RABL3: variants seen among roughly 807,000 people sequenced by gnomAD.
The protein encoded by RABL3 is rab-like protein 3.
In RABL3, 31 loss-of-function variants were observed where a neutral mutation model predicts 31.8. The observed-to-expected ratio is 0.97, with a 90% CI of 0.73 to 1.31. RABL3 has a LOEUF of 1.31. RABL3 is among the 40% of genes most tolerant of loss of function. The probability of loss-of-function intolerance (pLI) is 0.00; values close to 1 mark genes in which losing one functional copy is unlikely to be tolerated. For missense variants in RABL3, 263 were observed against 279.6 expected, an observed-to-expected ratio of 0.94 and a Z score of 0.42; for synonymous variants, 97 against 99.9, an observed-to-expected ratio of 0.97 and a Z score of 0.18.
At chr3:120,719,649 G>A (rs1016325033) in intron 2 of RABL3, among the ~76,000 whole-genome samples, 3 of 152,236 alleles carry the variant, frequency 2.0e-5, no homozygotes, top group Non-Finnish European at 2.9e-5. Context: ...GCCAGGCTGG[G>A]GGAGGGGCAC....
chr3:120,707,438 C>T (rs868100524), intron 3 of RABL3, among the ~76,000 whole-genome samples: 1 of 152,164 alleles, frequency 6.6e-6, no homozygotes, highest in Non-Finnish European at 1.5e-5. Flanking sequence ...AAATATTGTG[C>T]TTTACATGTG....
chr3:120,694,132 T>C (rs751276318), intron 6 of RABL3, 21 bp downstream of exon 6: 2 of 1,498,842 alleles, frequency 1.3e-6, no homozygotes, highest in South Asian at 1.2e-5. Flanking sequence ...AGTTTAAAAA[T>C]AACTTAATTG....
intron 2 of RABL3, 106 bp from the exon 3 acceptor site, chr3:120,710,015 C>G: frequency 1.4e-6 from 1 of 737,248 alleles, no homozygotes; most frequent in Non-Finnish European, 2.2e-6. Context: ...ACTTTCTGAT[C>G]GCTACCTCTT....
At chr3:120,732,066 A>AC (rs1340774922) in intron 1 of RABL3, among the ~76,000 whole-genome samples, 2 of 152,186 alleles carry the variant, frequency 1.3e-5, no homozygotes, top group Non-Finnish European at 2.9e-5. Context: ...CTACAAAAAA[A>AC]AATCACCTTA....
At chr3:120,702,561 T>A (rs1174510505) in intron 4 of RABL3, among the ~76,000 whole-genome samples, 4 of 140,248 alleles carry the variant, frequency 2.9e-5, no homozygotes, top group Non-Finnish European at 6.2e-5. Flanking sequence ...GAAATTTTTC[T>A]TTTTTTTTTT....
chr3:120,701,966 G>C (rs997000907), intron 4 of RABL3, among the ~76,000 whole-genome samples: 2 of 152,170 alleles, frequency 1.3e-5, no homozygotes, highest in Non-Finnish European at 2.9e-5. Context: ...AAGAACCATT[G>C]AATTAGCAGT....
intron 3 of RABL3, among the ~76,000 whole-genome samples, chr3:120,708,416 T>C (rs528883006): frequency 6.6e-5 from 10 of 152,106 alleles, no homozygotes; most frequent in African/African-American, 2.2e-4. Flanking sequence ...CCATAGCTTC[T>C]AGGATTTGAG....
chr3:120,711,293 G>A (rs1708610216), intron 2 of RABL3, among the ~76,000 whole-genome samples: 1 of 152,080 alleles, frequency 6.6e-6, no homozygotes, highest in Non-Finnish European at 1.5e-5. Context: ...ACTTAAGACT[G>A]ATCCTTGACT....
chr3:120,732,642 C>A (rs1439641271), intron 1 of RABL3, among the ~76,000 whole-genome samples: 1 of 152,062 alleles, frequency 6.6e-6, no homozygotes, highest in Non-Finnish European at 1.5e-5. Context: ...TATACATGCA[C>A]CATGTTGGTG....
In RABL3 at chr3:120,730,795, A is replaced by C. The variant is rs200129681; in HGVS notation, c.47-8T>G. 7.9e-5 allele frequency: 126 copies of C among 1,587,964 alleles called. No homozygotes were observed. Among genetic ancestry groups the C allele is most frequent in the Non-Finnish European group, 9.9e-5 (114 of 1,156,516 alleles). On this transcript the variant is annotated splice_region_variant and splice_polypyrimidine_tract_variant and intron_variant, in intron 1 of 7. Coordinates refer to ENST00000273375, the MANE Select transcript of RABL3 (RefSeq NM_173825.5). The stretch of plus-strand genomic sequence containing the variant: ...ACGAAGATTTCCCAACACCTGTAAG[A>C]GATACAAGAACTCTAGTCACATAAG...
chr3:120,702,724 A>G (rs546729144), intron 4 of RABL3, among the ~76,000 whole-genome samples: 1 of 151,950 alleles, frequency 6.6e-6, no homozygotes, highest in African/African-American at 2.4e-5. Context: ...CGCCTGGCTA[A>G]TCTTTTGTAT....
chr3:120,732,260 G>A (rs1708892800), intron 1 of RABL3, among the ~76,000 whole-genome samples: 1 of 152,130 alleles, frequency 6.6e-6, no homozygotes, highest in Admixed American at 6.6e-5. Flanking sequence ...CCATTGGCCT[G>A]GTGAATTAAT....
intron 1 of RABL3, 143 bp downstream of exon 1, chr3:120,742,319 C>G: frequency 1.3e-6 from 1 of 774,386 alleles, no homozygotes; most frequent in Non-Finnish European, 2.2e-6. Flanking sequence ...AGCAAAGTCC[C>G]CTGGGAAGTG....
At chr3:120,695,888 T>A (rs1250962419) in intron 5 of RABL3, among the ~76,000 whole-genome samples, 1 of 152,264 alleles carries the variant, frequency 6.6e-6, no homozygotes, top group Middle Eastern at 3.4e-3. Context: ...ATTCTATGGT[T>A]CCATAATTTC....
At chr3:120,708,010 G>A (rs1445185163) in intron 3 of RABL3, among the ~76,000 whole-genome samples, 11 of 152,026 alleles carry the variant, frequency 7.2e-5, no homozygotes, top group Non-Finnish European at 1.3e-4. Context: ...TAGGCTATTA[G>A]AGAGGGAAGA....
intron 1 of RABL3, among the ~76,000 whole-genome samples, chr3:120,731,980 G>A (rs1341426116): frequency 6.6e-6 from 1 of 152,124 alleles, no homozygotes; most frequent in Non-Finnish European, 1.5e-5. Context: ...GATCCCTTGA[G>A]CTCAGGAGTT....
chr3:120,723,814 T>A (rs1046917922), intron 2 of RABL3, among the ~76,000 whole-genome samples: 3 of 152,046 alleles, frequency 2.0e-5, no homozygotes, highest in Non-Finnish European at 4.4e-5. Context: ...TAATAAGAGC[T>A]ATCTATGACA....
At chr3:120,718,452 C>T (rs560029832) in intron 2 of RABL3, among the ~76,000 whole-genome samples, 7 of 152,300 alleles carry the variant, frequency 4.6e-5, no homozygotes, top group African/African-American at 1.4e-4. Flanking sequence ...GCATCTCATT[C>T]TTAGTCTTAT....
chr3:120,708,821 AG>A (rs1369662623), intron 3 of RABL3, among the ~76,000 whole-genome samples: 1 of 152,032 alleles, frequency 6.6e-6, no homozygotes, highest in African/African-American at 2.4e-5. Context: ...TGAGCTAAAT[AG>A]GATATGGGTC....
Sources: gnomAD v4.1 joint callset for allele counts (sites outside exome capture counted in the v4.1 genomes callset) on GRCh38, gnomAD v4.1.1 for gene constraint, MANE v1.5 for transcripts, NCBI Gene and HGNC (gene_info 2026-07-23, HGNC 2026-07-21) for gene names.